GALNT7: variants seen among roughly 807,000 people sequenced by gnomAD.
The protein encoded by GALNT7 is polypeptide N-acetylgalactosaminyltransferase 7.
In GALNT7, 60 loss-of-function variants were observed where a neutral mutation model predicts 82.1. That is an observed-to-expected ratio of 0.73 (90% confidence interval 0.59 to 0.91). The LOEUF (loss-of-function observed/expected upper bound fraction) is 0.91, where lower values mean the gene tolerates loss of function less well. Among genes scored for constraint, GALNT7 ranks in the 40% least tolerant of loss-of-function variants. GALNT7 has a pLI of 0.00. For synonymous variants in GALNT7, 243 were observed against 275.1 expected (o/e 0.88, Z 1.15); for missense variants, 660 against 804.2 (o/e 0.82, Z 2.17).
chr4:173,298,871 G>A (rs572071151), intron 6 of GALNT7, among the ~76,000 whole-genome samples: 9 of 152,212 alleles, frequency 5.9e-5, no homozygotes, highest in African/African-American at 2.2e-4. Context: ...ATCCTTTATT[G>A]CTTCATTCTC....
chr4:173,232,581 C>T (rs1017549033), intron 1 of GALNT7, among the ~76,000 whole-genome samples: 1 of 151,926 alleles, frequency 6.6e-6, no homozygotes, highest in African/African-American at 2.4e-5. Context: ...TACAGACACA[C>T]ACCACCATGC....
intron 1 of GALNT7, among the ~76,000 whole-genome samples, chr4:173,195,324 G>A (rs1390004516): frequency 6.6e-6 from 1 of 152,046 alleles, no homozygotes; most frequent in Non-Finnish European, 1.5e-5. Context: ...AGCCTGAAGG[G>A]GGCTCTGAGT....
chr4:173,261,129 A>C (rs1735241205), intron 2 of GALNT7, among the ~76,000 whole-genome samples: 1 of 152,186 alleles, frequency 6.6e-6, no homozygotes, highest in East Asian at 1.9e-4. Flanking sequence ...TATAATTTGC[A>C]ATCCACTCAT....
intron 3 of GALNT7, 85 bp from the exon 4 acceptor site, chr4:173,295,311 C>T: frequency 3.3e-6 from 3 of 908,940 alleles, no homozygotes; most frequent in Non-Finnish European, 5.4e-6. Context: ...ACCCAATGCA[C>T]CTGTATTCTT....
chr4:173,204,649 T>C (rs1733033420), intron 1 of GALNT7, among the ~76,000 whole-genome samples: 1 of 152,218 alleles, frequency 6.6e-6, no homozygotes, highest in African/African-American at 2.4e-5. Flanking sequence ...CTTCAGAATA[T>C]TTGTTTGAAT....
chr4:173,235,490 C>T (rs1734190088), intron 1 of GALNT7, among the ~76,000 whole-genome samples: 1 of 152,152 alleles, frequency 6.6e-6, no homozygotes, highest in Non-Finnish European at 1.5e-5. Flanking sequence ...ACCTAAGTAA[C>T]TTCTGTTCTT....
intron 1 of GALNT7, among the ~76,000 whole-genome samples, chr4:173,215,766 T>A (rs1733426549): frequency 6.6e-6 from 1 of 152,174 alleles, no homozygotes; most frequent in Non-Finnish European, 1.5e-5. Flanking sequence ...TAATTAAGAT[T>A]GAGCTAGAAA....
chr4:173,186,445 A>G (rs927415875), intron 1 of GALNT7, among the ~76,000 whole-genome samples: 2 of 152,226 alleles, frequency 1.3e-5, no homozygotes, highest in Non-Finnish European at 2.9e-5. Context: ...CATAAAATCA[A>G]CTTCATAGCA....
At chr4:173,200,094 T>A (rs1732898333) in intron 1 of GALNT7, among the ~76,000 whole-genome samples, 1 of 152,194 alleles carries the variant, frequency 6.6e-6, no homozygotes, top group African/African-American at 2.4e-5. Flanking sequence ...TAAATAAGAT[T>A]TTTATAAAAT....
intron 1 of GALNT7, among the ~76,000 whole-genome samples, chr4:173,215,965 AAT>A (rs1733435863): frequency 6.6e-6 from 1 of 152,076 alleles, no homozygotes; most frequent in Non-Finnish European, 1.5e-5. Context: ...AAAAAATAAA[AAT>A]AAAGAAATCA....
In GALNT7 at chr4:173,292,306, A is replaced by G; in HGVS notation, c.754+32A>G. ...GCTGTGAAACTCACATTTTGTCTATAAAATAAGTTAAGCATGAATAATTGC... is the reference window on the plus strand; with the variant it reads ...GCTGTGAAACTCACATTTTGTCTATGAAATAAGTTAAGCATGAATAATTGC... On this transcript the variant is annotated intron_variant, in intron 3 of 11. Transcript: ENST00000265000. The surrounding 1 kb of genome is among the most constrained non-coding windows in gnomAD (Gnocchi z 4.8). The G allele has an allele frequency of 7.4e-7, 1 of 1,351,254 alleles. No individual in the cohort carries two copies. Among genetic ancestry groups the G allele is most frequent in the Admixed American group, 2.3e-5 (1 of 42,886 alleles). 83.7% of individuals were successfully genotyped at this position (1,351,254 alleles called of 1,614,324 possible).
chr4:173,239,961 T>C (rs1391608926), intron 1 of GALNT7, among the ~76,000 whole-genome samples: 1 of 152,170 alleles, frequency 6.6e-6, no homozygotes, highest in Non-Finnish European at 1.5e-5. Context: ...ACGGATTTGT[T>C]ACCCATATTT....
intron 6 of GALNT7, among the ~76,000 whole-genome samples, chr4:173,299,752 A>G (rs375747714): frequency 2.2e-4 from 33 of 152,192 alleles, no homozygotes; most frequent in African/African-American, 7.9e-4. Flanking sequence ...AGGCTGAGGC[A>G]GGAGAATCGC....
chr4:173,284,749 T>C (rs1248644355), intron 2 of GALNT7, among the ~76,000 whole-genome samples: 4 of 151,876 alleles, frequency 2.6e-5, no homozygotes, highest in African/African-American at 9.7e-5. Flanking sequence ...AAAAAAAACC[T>C]TTTCATTAGC....
In GALNT7 at chr4:173,170,197, C is replaced by T. The variant is rs569670346; in HGVS notation, c.126+1236C>T. 5.3e-5 allele frequency among the ~76,000 whole-genome samples: 8 copies of T among 152,316 alleles called. No homozygotes were observed. The South Asian group carries it at 1.7e-3, about 32-fold the overall frequency. ...CCGCTGGGACAGCCAACTGGGCCGG[C>T]TGCCAGTGGGGGTAGGAGAGGGTAT... On this transcript the variant is annotated intron_variant, in intron 1 of 11. Transcript: ENST00000265000.
At chr4:173,276,961 C>T (rs1735933727) in intron 2 of GALNT7, among the ~76,000 whole-genome samples, 1 of 152,102 alleles carries the variant, frequency 6.6e-6, no homozygotes, top group Admixed American at 6.6e-5. Context: ...CTCTAGCTTA[C>T]CTTCCTGTAA....
At chr4:173,271,757 C>A (rs1328104402) in intron 2 of GALNT7, among the ~76,000 whole-genome samples, 1 of 151,774 alleles carries the variant, frequency 6.6e-6, no homozygotes, top group African/African-American at 2.4e-5. Flanking sequence ...GTGCCTGGCC[C>A]CAAGTAGTAT....
At chr4:173,183,374 C>G (rs1255097356) in intron 1 of GALNT7, among the ~76,000 whole-genome samples, 2 of 150,956 alleles carry the variant, frequency 1.3e-5, no homozygotes, top group African/African-American at 2.4e-5. Context: ...ATGTAAAGAT[C>G]AGTGATTGAG....
At chr4:173,217,709 C>T (rs749657531) in intron 1 of GALNT7, among the ~76,000 whole-genome samples, 67 of 152,126 alleles carry the variant, frequency 4.4e-4, no homozygotes, top group Non-Finnish European at 9.0e-4. Context: ...AACCTTCATA[C>T]CCACATTTAG....
Sources: gnomAD v4.1 joint callset for allele counts (sites outside exome capture counted in the v4.1 genomes callset) on GRCh38, gnomAD v4.1.1 for gene constraint, Gnocchi (gnomAD v3.1) non-coding constraint, MANE v1.5 for transcripts, NCBI Gene and HGNC (gene_info 2026-07-23, HGNC 2026-07-21) for gene names.